Variants in FAAH2 observed in about 807,000 individuals in gnomAD.
The protein encoded by FAAH2 is fatty acid amide hydrolase 2, also known as fatty-acid amide hydrolase 2.
A neutral mutation model predicts 36.9 loss-of-function variants in FAAH2; 60 were observed. That is an observed-to-expected ratio of 1.63 (90% CI 1.32 to 2.02). The LOEUF (loss-of-function observed/expected upper bound fraction) is 2.02, where lower values mean the gene tolerates loss of function less well. Ranked by LOEUF, FAAH2 falls within the 30% of genes most tolerant of loss-of-function variation. The pLI is 0.00. For synonymous variants in FAAH2, 214 were observed against 143.8 expected (o/e 1.49, Z -3.49); for missense variants, 689 against 397.5 (o/e 1.73, Z -6.23).
At chrX:57,407,256 T>C (rs1292899204) in intron 7 of FAAH2, among the ~76,000 whole-genome samples, 2 of 111,961 alleles carry the variant, frequency 1.8e-5, no homozygotes, top group Non-Finnish European at 3.8e-5. Flanking sequence ...ATGGGCAAGA[T>C]GGTGGCTTAT....
the FAAH2 span, among the ~76,000 whole-genome samples, chrX:57,165,350 C>T: frequency 1.4e-4 from 16 of 112,435 alleles, no homozygotes; most frequent in Non-Finnish European, 2.8e-4. Flanking sequence ...CCATGGAATA[C>T]TATGCAGCCA....
Position 57,447,042 on chromosome X carries a change from A to G in FAAH2, c.1228+3A>G. On this transcript the variant is annotated splice_donor_region_variant and intron_variant, in intron 9 of 10. Transcript: ENST00000374900. ...AGTGTACACCATCCCTTCCATTGGT[A>G]TGTAAATCATATTCTACCTAGACCA... 1 of 1,146,589 alleles carries G rather than the reference A, an allele frequency of 8.7e-7. No individual in the cohort carries two copies. The highest frequency in any genetic ancestry group is 1.2e-6 in the Non-Finnish European group (1 of 843,262). 94.5% of individuals were successfully genotyped at this position (1,146,589 alleles called of 1,213,427 possible).
chrX:57,227,577 G>T, the FAAH2 span, among the ~76,000 whole-genome samples: 1 of 111,404 alleles, frequency 9.0e-6, no homozygotes, highest in African/African-American at 3.3e-5. Context: ...GACTCCATGG[G>T]GGTCCTCAGT....
At chrX:57,196,032 G>A in the FAAH2 span, among the ~76,000 whole-genome samples, 1 of 112,010 alleles carries the variant, frequency 8.9e-6, no homozygotes, top group Admixed American at 9.5e-5. Flanking sequence ...GTTGGGTAAT[G>A]TGATGCTTGC....
chrX:57,155,947 G>A, the FAAH2 span, among the ~76,000 whole-genome samples: 1 of 111,865 alleles, frequency 8.9e-6, no homozygotes, highest in African/African-American at 3.3e-5. Context: ...AGACCTTCAG[G>A]TTACTCTGTA....
At chrX:57,457,976 C>A (rs1290792350) in intron 10 of FAAH2, among the ~76,000 whole-genome samples, 1 of 111,662 alleles carries the variant, frequency 9.0e-6, no homozygotes, top group African/African-American at 3.3e-5. Context: ...AAAAAAAGAA[C>A]CTCAACAGCT....
the FAAH2 span, among the ~76,000 whole-genome samples, chrX:57,261,957 C>T: frequency 7.3e-5 from 8 of 109,369 alleles, no homozygotes; most frequent in Non-Finnish European, 1.5e-4. Context: ...TATGTGGATG[C>T]TGAAAGAGAA....
chrX:57,324,768 C>T (rs935704366), intron 3 of FAAH2, among the ~76,000 whole-genome samples: 1 of 112,131 alleles, frequency 8.9e-6, no homozygotes, highest in Non-Finnish European at 1.9e-5. Context: ...TCTAAATATA[C>T]AATCATGTGA....
In FAAH2 at chrX:57,331,778, A is replaced by G; in HGVS notation, c.593A>G (p.Asp198Gly). The G allele has an allele frequency of 8.3e-7, 1 of 1,211,077 alleles. No individual in the cohort carries two copies. The highest frequency in any genetic ancestry group is 1.1e-6 in the Non-Finnish European group (1 of 895,164). Reference sequence around the variant, plus strand: ...TATGGCCGATCAAACAACCCATATGATTTACAGCATATTGTAGGTGGAAGT... The same window carrying G: ...TATGGCCGATCAAACAACCCATATGGTTTACAGCATATTGTAGGTGGAAGT... ...KIYGRSNNPY[D>G]LQHIVGGSSG... Residue 198 changes from aspartate to glycine, a missense_variant, in exon 4 of 11, where the codon GAT (aspartate) becomes GGT (glycine). Asp to Gly is a moderately conservative substitution (Grantham distance 94). Coordinates refer to ENST00000374900, the MANE Select transcript of FAAH2 (RefSeq NM_174912.4).
At chrX:57,178,547 G>C in the FAAH2 span, among the ~76,000 whole-genome samples, 3 of 111,203 alleles carry the variant, frequency 2.7e-5, no homozygotes, top group Admixed American at 2.9e-4. Context: ...ATACTACCAC[G>C]GCAAGAAAAG....
chrX:57,457,685 C>A (rs2056884965), intron 10 of FAAH2, among the ~76,000 whole-genome samples: 1 of 70,228 alleles, frequency 1.4e-5, no homozygotes. Flanking sequence ...AACAGAATTC[C>A]ATTTACAATA....
upstream of FAAH2, among the ~76,000 whole-genome samples, chrX:57,282,221 A>G (rs2051761307): frequency 8.9e-6 from 1 of 111,935 alleles, no homozygotes; most frequent in African/African-American, 3.2e-5. Flanking sequence ...GTACAACCTC[A>G]CCAGCATGTG....
intron 8 of FAAH2, among the ~76,000 whole-genome samples, chrX:57,439,107 G>A (rs1218341453): frequency 9.0e-6 from 1 of 110,509 alleles, no homozygotes; most frequent in Non-Finnish European, 1.9e-5. Context: ...AATCCTTTGG[G>A]TATATACCCA....
At chrX:57,203,404 T>C in the FAAH2 span, among the ~76,000 whole-genome samples, 1 of 111,935 alleles carries the variant, frequency 8.9e-6, no homozygotes, top group Non-Finnish European at 1.9e-5. Context: ...CTTATTCTGG[T>C]AAACACACAA....
At chrX:57,332,999 A>G (rs2053448868) in intron 4 of FAAH2, among the ~76,000 whole-genome samples, 1 of 111,538 alleles carries the variant, frequency 9.0e-6, no homozygotes, top group Non-Finnish European at 1.9e-5. Flanking sequence ...AGCACATGTT[A>G]GGGTCACAGA....
At chrX:57,198,143 A>G in the FAAH2 span, among the ~76,000 whole-genome samples, 3 of 111,038 alleles carry the variant, frequency 2.7e-5, no homozygotes, top group African/African-American at 9.8e-5. Flanking sequence ...CCAAGAGGTT[A>G]TGATTTGTGT....
At chrX:57,137,256 ATACCTCGATGCTGCCTCTGCTGT>A in the FAAH2 span, 2 of 761,671 alleles carry the variant, frequency 2.6e-6, no homozygotes, top group Non-Finnish European at 3.1e-6. Context: ...CCGAAATCGG[ATACCTCGATGCTGCCTCTGCTGT>A]GAGCCTGTGG....
chrX:57,122,052 T>A, the FAAH2 span: 1 of 111,634 alleles, frequency 9.0e-6, no homozygotes. Flanking sequence ...TTCGAGGGAT[T>A]TTTTTTTCCT....
At chrX:57,448,952 C>T (rs1221533098) in intron 10 of FAAH2, among the ~76,000 whole-genome samples, 1 of 111,473 alleles carries the variant, frequency 9.0e-6, no homozygotes, top group East Asian at 2.8e-4. Context: ...CCACATTTTA[C>T]AGAACTGTGC....
Sources: allele counts gnomAD v4.1 joint callset (sites outside exome capture counted in the v4.1 genomes callset), GRCh38; gene constraint gnomAD v4.1.1; transcripts MANE v1.5; gene names NCBI Gene and HGNC (gene_info 2026-07-23, HGNC 2026-07-21).